Variants in PADI3 observed in about 807,000 individuals in gnomAD.
The protein encoded by PADI3 is protein-arginine deiminase type-3.
In PADI3, 53 loss-of-function variants were observed where a neutral mutation model predicts 71.5. That is an observed-to-expected ratio of 0.74 (90% CI 0.59 to 0.93). PADI3 has a LOEUF of 0.93. PADI3 is among the 40% of genes least tolerant of loss of function. The pLI, the probability that PADI3 is intolerant of heterozygous loss-of-function variation, is 0.00. For synonymous variants in PADI3, 361 were observed against 347.5 expected, an observed-to-expected ratio of 1.04 and a Z score of -0.43; for missense variants, 821 against 868.0, an observed-to-expected ratio of 0.95 and a Z score of 0.68.
chr1:17,261,688 G>A (rs558927689), intron 2 of PADI3, among the ~76,000 whole-genome samples: 132 of 152,376 alleles, frequency 8.7e-4, no homozygotes, highest in African/African-American at 2.9e-3. Context: ...TTTTGCAGAG[G>A]AGAAAACTGA....
rs949079741 is a variant in PADI3, at chr1:17,281,961, C to G, written c.1762-885C>G. Reference sequence around the variant, plus strand: ...AGCTCCCCTCTCCACTCCTCCCCACCTCATCCCCTAAAAGAACTCAATTTG... The same window carrying G: ...AGCTCCCCTCTCCACTCCTCCCCACGTCATCCCCTAAAAGAACTCAATTTG... On this transcript the variant is annotated intron_variant, in intron 15 of 15. Coordinates refer to ENST00000375460, the MANE Select transcript of PADI3 (RefSeq NM_016233.2). 3.9e-5 allele frequency among the ~76,000 whole-genome samples: 6 copies of G among 152,104 alleles called. No individual in the cohort carries two copies. The East Asian group carries it at 1.2e-3, about 29-fold the overall frequency.
At position 17,266,674 on chromosome 1, in the gene PADI3, G is replaced by A. The variant is rs776574696; in HGVS notation, c.409-45G>A. On this transcript the variant is annotated intron_variant, in intron 4 of 15. Coordinates refer to ENST00000375460, the MANE Select transcript of PADI3 (RefSeq NM_016233.2). ...CGGGTTCCTGGGTAGGGAGGCACAG[G>A]TCTCATCTGAGCCCTCATCACTGGC... is the stretch of plus-strand genomic sequence containing the variant. The A allele has an allele frequency of 7.2e-6, 11 of 1,523,268 alleles. 1 individual carries two copies. The highest frequency in any genetic ancestry group is 6.7e-5 in the South Asian group (6 of 89,252). 94.4% of individuals were successfully genotyped at this position (1,523,268 alleles called of 1,614,324 possible).
At chr1:17,273,844 G>A (rs769450882) in intron 10 of PADI3, among the ~76,000 whole-genome samples, 2 of 152,102 alleles carry the variant, frequency 1.3e-5, no homozygotes, top group African/African-American at 2.4e-5. Flanking sequence ...GCTGTGTGAT[G>A]TTGCGTGAGT....
chr1:17,262,217 G>A lies in PADI3; in HGVS notation c.346+12G>A, dbSNP rs762760257. Reference sequence around the variant, plus strand: ...CCTCACCTGTGTTGGTAAGTTGGGGGCCATGTTGATGGTGTGGCCAAGGGC... The same window carrying A: ...CCTCACCTGTGTTGGTAAGTTGGGGACCATGTTGATGGTGTGGCCAAGGGC... On this transcript the variant is annotated intron_variant, in intron 3 of 15. Transcript: ENST00000375460. 6.9e-6 allele frequency: 11 copies of A among 1,598,328 alleles called. No individual in the cohort carries two copies. The highest frequency in any genetic ancestry group is 1.7e-4 in the Middle Eastern group (1 of 6,030).
intron 1 of PADI3, among the ~76,000 whole-genome samples, 187 bp from the exon 2 acceptor site, chr1:17,259,391 G>A (rs2073071678): frequency 6.6e-6 from 1 of 152,196 alleles, no homozygotes; most frequent in Non-Finnish European, 1.5e-5. Context: ...GAGTCACCAC[G>A]CCCGGCCGAC....
chr1:17,271,261 C>G (rs1346979674), intron 9 of PADI3, 83 bp downstream of exon 9: 1 of 1,176,378 alleles, frequency 8.5e-7, no homozygotes, highest in Admixed American at 2.2e-5. Flanking sequence ...CGAGAAACAT[C>G]CAGGAGGACC....
chr1:17,263,975 T>C (rs1235946893), intron 3 of PADI3, among the ~76,000 whole-genome samples: 1 of 152,210 alleles, frequency 6.6e-6, no homozygotes, highest in South Asian at 2.1e-4. Flanking sequence ...AGCAAAGAAG[T>C]TGAAAATGCT....
At chr1:17,263,356 A>T (rs992249126) in intron 3 of PADI3, among the ~76,000 whole-genome samples, 13 of 152,206 alleles carry the variant, frequency 8.5e-5, no homozygotes, top group African/African-American at 3.1e-4. Flanking sequence ...TTTTTTTTCA[A>T]GCTATAGTAC....
chr1:17,250,978 G>C (rs1258954512), intron 1 of PADI3, among the ~76,000 whole-genome samples: 1 of 152,244 alleles, frequency 6.6e-6, no homozygotes, highest in Admixed American at 6.5e-5. Context: ...CAGCCACAGG[G>C]TGGGGGATGG....
intron 15 of PADI3, among the ~76,000 whole-genome samples, chr1:17,281,446 T>C (rs2073399269): frequency 5.6e-5 from 1 of 17,908 alleles, no homozygotes; most frequent in Admixed American, 1.1e-3. Flanking sequence ...TTTTTTCTTT[T>C]TTTCTTTTTT....
chr1:17,252,549 G>A (rs933409521), intron 1 of PADI3, among the ~76,000 whole-genome samples: 5 of 151,968 alleles, frequency 3.3e-5, no homozygotes, highest in Admixed American at 2.6e-4. Flanking sequence ...GACTACAGGC[G>A]TGCACCACCA....
intron 5 of PADI3, 66 bp downstream of exon 5, chr1:17,266,902 C>G: frequency 8.1e-7 from 1 of 1,232,488 alleles, no homozygotes. Context: ...CATGGGAGTT[C>G]CAACCCACAG....
intron 6 of PADI3, among the ~76,000 whole-genome samples, chr1:17,269,006 C>T (rs1282739417): frequency 6.6e-6 from 1 of 151,690 alleles, no homozygotes; most frequent in Non-Finnish European, 1.5e-5. Context: ...CCACCTTAGC[C>T]TCACGAGTAG....
intron 1 of PADI3, among the ~76,000 whole-genome samples, chr1:17,251,729 G>C (rs753408973): frequency 1.3e-5 from 2 of 152,188 alleles, no homozygotes. Flanking sequence ...TGTGTGCAAA[G>C]CATGTAACTA....
rs201243010 is a variant in PADI3 at position 17,273,431 on chromosome 1, C to T, written c.1139C>T (p.Pro380Leu). 12 of 1,612,210 alleles carry T rather than the reference C, an allele frequency of 7.4e-6. 2 individuals are homozygous for T. The African/African-American group carries it at 1.3e-4, about 18-fold the overall frequency. ...AGGAATGGGGAACTGCAGGATTTCCCTTACAAAAGAATCCTGGTGAGTGGT... is the reference window on the plus strand; with the variant it reads ...AGGAATGGGGAACTGCAGGATTTCCTTTACAAAAGAATCCTGGTGAGTGGT... ...SPRNGELQDF[P>L]YKRILGPDFG... Residue 380 changes from proline (P) to leucine (L), a missense_variant, in exon 10 of 16, where the codon CCT becomes CTT. Coordinates refer to ENST00000375460, the MANE Select transcript of PADI3 (RefSeq NM_016233.2).
In PADI3 at chr1:17,259,645, C is replaced by T. The variant is rs1282546353; in HGVS notation, c.160C>T (p.Pro54Ser). 6.2e-7 allele frequency: 1 copy of T among 1,613,906 alleles called. No homozygotes were observed. Among genetic ancestry groups the T allele is most frequent in the Admixed American group, 1.7e-5 (1 of 60,020 alleles). ...GTPGVDIYIS[P>S]NMERGRERAD... ...GCCTGGCGTGGACATCTACATCTCT[C>T]CCAACATGGAGAGGGGCCGGGAGCG... is the stretch of plus-strand genomic sequence containing the variant. Residue 54 changes from proline (P) to serine (S), a missense_variant, in exon 2 of 16, where the codon CCC becomes TCC. Transcript: ENST00000375460.
At chr1:17,281,995 C>G (rs1158271547) in intron 15 of PADI3, among the ~76,000 whole-genome samples, 1 of 152,192 alleles carries the variant, frequency 6.6e-6, no homozygotes, top group Non-Finnish European at 1.5e-5. Context: ...TGCCCATTGT[C>G]AGAGCCTTGT....
At chr1:17,249,441 G>C (rs763856536) in intron 1 of PADI3, among the ~76,000 whole-genome samples, 6 of 152,186 alleles carry the variant, frequency 3.9e-5, no homozygotes, top group Non-Finnish European at 8.8e-5. Context: ...GGCTGAGCCA[G>C]GTAGAAGAGG....
At chr1:17,269,301 A>G (rs1418908848) in intron 6 of PADI3, among the ~76,000 whole-genome samples, 1 of 152,166 alleles carries the variant, frequency 6.6e-6, no homozygotes, top group Non-Finnish European at 1.5e-5. Flanking sequence ...TTAAGTAATA[A>G]TCCCACACAC....
Sources: gnomAD v4.1 joint callset for allele counts (sites outside exome capture counted in the v4.1 genomes callset) on GRCh38, gnomAD v4.1.1 for gene constraint, MANE v1.5 for transcripts, NCBI Gene and HGNC (gene_info 2026-07-23, HGNC 2026-07-21) for gene names.